Variants in BBX observed in about 807,000 individuals in gnomAD.
BBX encodes HMG box transcription factor BBX.
BBX carries 30 observed loss-of-function variants against 100.2 expected under a neutral mutation model. The observed-to-expected ratio is 0.30, with a 90% confidence interval of 0.22 to 0.41. BBX has a LOEUF of 0.41. Ranked by LOEUF, BBX falls within the 10% of genes least tolerant of loss-of-function variation. The pLI, the probability that BBX is intolerant of heterozygous loss-of-function variation, is 1.00. For missense variants in BBX, 1,023 were observed against 1,129.8 expected, an observed-to-expected ratio of 0.91 and a Z score of 1.35; for synonymous variants, 376 against 388.1, an observed-to-expected ratio of 0.97 and a Z score of 0.37.
At chr3:107,748,155 C>CA (rs1329281334) in intron 9 of BBX, 116 bp downstream of exon 9, 1 of 749,610 alleles carries the variant, frequency 1.3e-6, no homozygotes, top group Non-Finnish European at 2.2e-6. Context: ...TCATTATTAA[C>CA]ATAATACACA....
chr3:107,573,624 CTAAA>C (rs1203840521), intron 2 of BBX, among the ~76,000 whole-genome samples: 1 of 152,176 alleles, frequency 6.6e-6, no homozygotes, highest in Admixed American at 6.5e-5. Context: ...AAAAATGAAA[CTAAA>C]TATAGATTAA....
chr3:107,542,870 G>T (rs2048958015), intron 2 of BBX, among the ~76,000 whole-genome samples: 1 of 152,104 alleles, frequency 6.6e-6, no homozygotes, highest in Non-Finnish European at 1.5e-5. Flanking sequence ...ACCAGTCTAG[G>T]CTCCCACTGA....
intron 16 of BBX, among the ~76,000 whole-genome samples, chr3:107,800,817 C>G (rs1443322889): frequency 6.6e-6 from 1 of 152,224 alleles, no homozygotes; most frequent in Non-Finnish European, 1.5e-5. Context: ...TTCCTTCTCA[C>G]TCCAAGACTG....
intron 2 of BBX, among the ~76,000 whole-genome samples, chr3:107,579,485 G>C (rs911710765): frequency 6.6e-6 from 1 of 152,136 alleles, no homozygotes; most frequent in African/African-American, 2.4e-5. Context: ...ATGTATTCGG[G>C]GATGAATCAC....
intron 13 of BBX, among the ~76,000 whole-genome samples, chr3:107,788,987 A>G (rs1173613330): frequency 6.6e-6 from 1 of 152,120 alleles, no homozygotes; most frequent in African/African-American, 2.4e-5. Context: ...GAGAGGGAGA[A>G]ATGATGGTGT....
intron 3 of BBX, among the ~76,000 whole-genome samples, chr3:107,698,743 A>G (rs1185955851): frequency 6.6e-6 from 1 of 151,716 alleles, no homozygotes; most frequent in Non-Finnish European, 1.5e-5. Flanking sequence ...AGAAAAGGGA[A>G]TGGATAATTA....
chr3:107,687,264 C>T (rs1243724493), intron 3 of BBX, among the ~76,000 whole-genome samples: 2 of 151,440 alleles, frequency 1.3e-5, no homozygotes, highest in East Asian at 1.9e-4. Context: ...CTGGGAAAAA[C>T]AGGGAGTGAG....
At chr3:107,710,046 T>C (rs948534474) in intron 3 of BBX, among the ~76,000 whole-genome samples, 1 of 152,268 alleles carries the variant, frequency 6.6e-6, no homozygotes, top group South Asian at 2.1e-4. Context: ...CTGTGAACTC[T>C]TCAACTCTCT....
intron 14 of BBX, 134 bp downstream of exon 14, chr3:107,790,010 C>T (rs1035129823): frequency 3.2e-5 from 19 of 586,684 alleles, no homozygotes; most frequent in Middle Eastern, 2.7e-4. Flanking sequence ...GCTCCTGACG[C>T]GGGTGTTCTC....
intron 2 of BBX, among the ~76,000 whole-genome samples, chr3:107,558,241 CT>C (rs1467959078): frequency 6.6e-6 from 1 of 152,178 alleles, no homozygotes; most frequent in Non-Finnish European, 1.5e-5. Context: ...GTAATCCCCA[CT>C]TTGGGAGGCC....
intron 13 of BBX, 95 bp from the exon 14 acceptor site, chr3:107,789,692 A>G (rs1323157589): frequency 1.1e-6 from 1 of 877,866 alleles, no homozygotes; most frequent in African/African-American, 1.7e-5. Flanking sequence ...TGCTTATTCC[A>G]CAGGAGGGAG....
chr3:107,791,085 A>C (rs1385763380), intron 14 of BBX, among the ~76,000 whole-genome samples, 155 bp from the exon 15 acceptor site: 1 of 152,198 alleles, frequency 6.6e-6, no homozygotes, highest in African/African-American at 2.4e-5. Flanking sequence ...TTAGTTGGCA[A>C]ATACCATTTT....
chr3:107,574,992 AGT>A (rs2051662195), intron 2 of BBX, among the ~76,000 whole-genome samples: 1 of 152,228 alleles, frequency 6.6e-6, no homozygotes, highest in African/African-American at 2.4e-5. Context: ...TAAAATGGAA[AGT>A]GTTTTAGAAC....
rs73850159 is a variant in BBX, at chr3:107,754,047, C to A, written c.826-1551C>A. Among the ~76,000 whole-genome samples, 307 of 152,186 alleles carry A rather than the reference C, an allele frequency of 2.0e-3. 6 individuals are homozygous for A. Among genetic ancestry groups the A allele is most frequent in the East Asian group, 3.9e-3 (20 of 5,178 alleles). ...ACACCTAATCTTCACAGCATAATTG[C>A]GGGCAGGTATTACTGTTCATATTTT... On this transcript the variant is annotated intron_variant, in intron 9 of 17. Coordinates refer to ENST00000325805, the MANE Select transcript of BBX (RefSeq NM_001142568.3).
intron 13 of BBX, among the ~76,000 whole-genome samples, chr3:107,788,114 T>C (rs2068625802): frequency 6.6e-6 from 1 of 152,198 alleles, no homozygotes; most frequent in African/African-American, 2.4e-5. Context: ...CTGGTATTTA[T>C]TTTATTTTAT....
At chr3:107,784,527 T>C (rs2068223706) in intron 13 of BBX, among the ~76,000 whole-genome samples, 1 of 151,796 alleles carries the variant, frequency 6.6e-6, no homozygotes, top group Admixed American at 6.6e-5. Context: ...CACGAATATA[T>C]AGAAATTAAA....
chr3:107,736,192 A>C (rs2063623337), intron 7 of BBX, among the ~76,000 whole-genome samples: 1 of 152,044 alleles, frequency 6.6e-6, no homozygotes. Flanking sequence ...GACCCTGTAA[A>C]ATAGAAGTAT....
intron 2 of BBX, among the ~76,000 whole-genome samples, chr3:107,640,305 A>G (rs747343494): frequency 2.0e-5 from 3 of 152,184 alleles, no homozygotes; most frequent in African/African-American, 7.2e-5. Context: ...TTCATGTCCT[A>G]CTTTCTCACG....
chr3:107,763,258 T>C (rs1224864920), intron 10 of BBX, among the ~76,000 whole-genome samples: 1 of 149,766 alleles, frequency 6.7e-6, no homozygotes, highest in East Asian at 2.0e-4. Flanking sequence ...AGAGTCTCGC[T>C]CTGTTGCCCA....
Sources: allele counts gnomAD v4.1 joint callset (sites outside exome capture counted in the v4.1 genomes callset), GRCh38; gene constraint gnomAD v4.1.1; transcripts MANE v1.5; gene names NCBI Gene and HGNC (gene_info 2026-07-23, HGNC 2026-07-21).